The following SLC19A1 variants were observed in gnomAD, a reference collection of about 807,000 sequenced individuals.
SLC19A1 encodes the protein solute carrier family 19 member 1.
A neutral mutation model predicts 35.3 loss-of-function variants in SLC19A1; 37 were observed. That is an observed-to-expected ratio of 1.05 (90% CI 0.81 to 1.38). The LOEUF is 1.38. SLC19A1 is among the 40% of genes most tolerant of loss of function. The pLI, the probability that SLC19A1 is intolerant of heterozygous loss-of-function variation, is 0.00. For synonymous variants in SLC19A1, 460 were observed against 398.5 expected, an observed-to-expected ratio of 1.15 and a Z score of -1.84; for missense variants, 831 against 826.9, an observed-to-expected ratio of 1.00 and a Z score of -0.06.
intron 1 of SLC19A1, among the ~76,000 whole-genome samples, chr21:45,552,341 G>A (rs560250437): frequency 4.2e-4 from 64 of 152,180 alleles, no homozygotes; most frequent in Non-Finnish European, 7.2e-4. Context: ...GAGTGTCCCA[G>A]GGAAAGAACA....
chr21:45,559,195 G>C (rs1408567728), intron 1 of SLC19A1, among the ~76,000 whole-genome samples: 3 of 152,184 alleles, frequency 2.0e-5, no homozygotes. Context: ...GAGTAGATGT[G>C]CTTGCATCCA....
intron 4 of SLC19A1, among the ~76,000 whole-genome samples, chr21:45,528,949 G>T (rs991156491): frequency 6.6e-6 from 1 of 152,248 alleles, no homozygotes; most frequent in African/African-American, 2.4e-5. Context: ...GGGCATCAAT[G>T]ACTTTATAAC....
At chr21:45,547,497 T>C (rs1569026698), upstream of SLC19A1, among the ~76,000 whole-genome samples, 1 of 152,326 alleles carries the variant, frequency 6.6e-6, no homozygotes, top group East Asian at 1.9e-4. Flanking sequence ...TAGAATCTAG[T>C]CTTTGAAGCC....
intron 5 of SLC19A1, among the ~76,000 whole-genome samples, chr21:45,516,602 C>T (rs1339338113): frequency 1.3e-5 from 2 of 152,240 alleles, no homozygotes; most frequent in Admixed American, 6.5e-5. Flanking sequence ...GCAGCCTGCA[C>T]ATGGAGCCCG....
rs774629533 is a variant in SLC19A1, at chr21:45,515,035, G to A, written c.*623C>T. ...CCATGGAGGGCTGCCCTTAGGGTGG[G>A]AGAGAGGAACCAGCTCCGAGGACCA... On this transcript the variant is annotated 3_prime_UTR_variant, in exon 6 of 6. Coordinates refer to ENST00000311124, the MANE Select transcript of SLC19A1 (RefSeq NM_194255.4). 9 of 1,542,588 alleles carry A rather than the reference G, an allele frequency of 5.8e-6. No individual in the cohort carries two copies. In the South Asian group the frequency reaches 1.1e-4, roughly 19 times the overall value.
chr21:45,535,885 C>T (rs1864171400), intron 2 of SLC19A1: 1 of 155,802 alleles, frequency 6.4e-6, no homozygotes, highest in Non-Finnish European at 1.4e-5. Flanking sequence ...GGTCACAAGA[C>T]ACCACTTACG....
At chr21:45,546,018 C>A (rs1358711137), upstream of SLC19A1, among the ~76,000 whole-genome samples, 1 of 152,232 alleles carries the variant, frequency 6.6e-6, no homozygotes, top group African/African-American at 2.4e-5. Context: ...CCTCCTAACA[C>A]TCCCAGCGGC....
chr21:45,503,805 AAAAAT>A lies in SLC19A1; in HGVS notation c.498-5198_498-5194del, dbSNP rs926391472. The A allele has an allele frequency of 9.0e-4, 294 of 327,026 alleles. 5 individuals carry two copies. Among genetic ancestry groups the A allele is most frequent in the South Asian group, 7.8e-4 (8 of 10,308 alleles). 20.3% of individuals were successfully genotyped at this position (327,026 alleles called of 1,614,324 possible). ...GTATAATAATAAATTTAAAAAATTTAAAAATAAAATAAAAATAAAAAGGCACCATT... is the reference window on the plus strand; with the variant it reads ...GTATAATAATAAATTTAAAAAATTTAAAAATAAAAATAAAAAGGCACCATT... On this transcript the variant is annotated intron_variant, in intron 3 of 4. Coordinates refer to the SLC19A1 transcript ENST00000417954.
intron 3 of SLC19A1, chr21:45,502,636 A>T (rs898662885): frequency 4.6e-5 from 7 of 152,192 alleles, no homozygotes; most frequent in African/African-American, 1.4e-4. Context: ...GGGACTGAGG[A>T]AAAGGAGAGA....
At chr21:45,521,896 C>T (rs1352678222) in intron 5 of SLC19A1, among the ~76,000 whole-genome samples, 1 of 151,992 alleles carries the variant, frequency 6.6e-6, no homozygotes, top group Admixed American at 6.6e-5. Flanking sequence ...AAACACGAAA[C>T]TTTAAAAAAG....
Position 45,505,238 on chromosome 21 carries a change from C to CCCCCCAGGG in SLC19A1, c.498-6635_498-6627dup, listed in dbSNP as rs781660752. 6.9e-6 allele frequency: 11 copies of CCCCCCAGGG among 1,598,496 alleles called. No individual in the cohort carries two copies. The highest frequency in any genetic ancestry group is 2.7e-5 in the African/African-American group (2 of 74,662). ...GCCAGGGCCCTCCCGGCCCCCCAGGCCCCCCAGGGCCCCCTTCATTTCCTG... is the reference window on the plus strand; with the variant it reads ...GCCAGGGCCCTCCCGGCCCCCCAGGCCCCCCAGGGCCCCCAGGGCCCCCTTCATTTCCTG... On this transcript the variant is annotated intron_variant, in intron 3 of 4. Coordinates refer to the SLC19A1 transcript ENST00000417954.
chr21:45,559,574 TCTGATTTG>T (rs1292733103), intron 1 of SLC19A1, among the ~76,000 whole-genome samples: 1 of 152,196 alleles, frequency 6.6e-6, no homozygotes, highest in East Asian at 1.9e-4. Context: ...ACCTGTGGAT[TCTGATTTG>T]CAGCTCTGTC....
chr21:45,505,247 G>A lies in SLC19A1; in HGVS notation c.498-6635C>T, dbSNP rs367651350. The A allele has an allele frequency of 3.2e-6, 5 of 1,574,256 alleles. No homozygotes were observed. Among genetic ancestry groups the A allele is most frequent in the African/African-American group, 3.0e-5 (2 of 66,436 alleles). ...CTCCCGGCCCCCCAGGCCCCCCAGG[G>A]CCCCCTTCATTTCCTGGCCCTCACA... is the stretch of plus-strand genomic sequence containing the variant. On this transcript the variant is annotated intron_variant, in intron 3 of 4. Coordinates refer to the SLC19A1 transcript ENST00000417954.
chr21:45,561,868 C>T (rs1245363706), intron 1 of SLC19A1, among the ~76,000 whole-genome samples: 2 of 151,966 alleles, frequency 1.3e-5, no homozygotes, highest in Non-Finnish European at 2.9e-5. Context: ...TGCAGTGGCT[C>T]ACGCCTGTAA....
downstream of SLC19A1, among the ~76,000 whole-genome samples, chr21:45,511,769 C>T (rs781643096): frequency 7.9e-5 from 12 of 152,192 alleles, no homozygotes; most frequent in South Asian, 2.1e-4. Flanking sequence ...TCTGCTGTAA[C>T]GGAGATGCAC....
chr21:45,527,236 G>T (rs73907588), intron 4 of SLC19A1, among the ~76,000 whole-genome samples: 1 of 150,366 alleles, frequency 6.7e-6, no homozygotes, highest in African/African-American at 2.5e-5. Flanking sequence ...GTGGCAATTG[G>T]GGGGGAGGGG....
intron 5 of SLC19A1, among the ~76,000 whole-genome samples, chr21:45,519,624 A>G (rs1363612386): frequency 6.6e-6 from 1 of 151,672 alleles, no homozygotes; most frequent in Non-Finnish European, 1.5e-5. Flanking sequence ...AGAGAAGGAC[A>G]TTATATAATC....
chr21:45,504,796 C>A (rs2037091414), intron 3 of SLC19A1, among the ~76,000 whole-genome samples: 1 of 152,146 alleles, frequency 6.6e-6, no homozygotes, highest in African/African-American at 2.4e-5. Flanking sequence ...CCTGCTGGGG[C>A]CACGTGCATC....
chr21:45,511,362 C>T (rs2037598654), downstream of SLC19A1: 50 of 683,776 alleles, frequency 7.3e-5, no homozygotes, highest in South Asian at 7.5e-4. Flanking sequence ...ATTACAAAAT[C>T]CAAAAGAGCA....
Sources: allele counts gnomAD v4.1 joint callset (sites outside exome capture counted in the v4.1 genomes callset), GRCh38; gene constraint gnomAD v4.1.1; transcripts MANE v1.5; gene names NCBI Gene and HGNC (gene_info 2026-07-23, HGNC 2026-07-21).